Variants in PCDHAC2 observed in about 807,000 individuals in gnomAD.
The protein encoded by PCDHAC2 is protocadherin alpha subfamily C, 2.
A neutral mutation model predicts 63.3 loss-of-function variants in PCDHAC2; 24 were observed. The observed-to-expected ratio is 0.38, with a 90% CI of 0.27 to 0.53. The LOEUF is 0.53. Ranked by LOEUF, PCDHAC2 falls within the 20% of genes least tolerant of loss-of-function variation. The pLI is 0.81. For missense variants in PCDHAC2, 1,181 were observed against 1,275.2 expected, an observed-to-expected ratio of 0.93 and a Z score of 1.12; for synonymous variants, 569 against 529.4, an observed-to-expected ratio of 1.07 and a Z score of -1.03.
intron 3 of PCDHAC2, among the ~76,000 whole-genome samples, chr5:141,000,248 C>T (rs1027764843): frequency 2.6e-5 from 4 of 151,280 alleles, no homozygotes; most frequent in Non-Finnish European, 4.4e-5. Context: ...GTGGCTGACA[C>T]CTGTGATCCT....
intron 3 of PCDHAC2, among the ~76,000 whole-genome samples, chr5:140,994,698 C>G (rs1238723224): frequency 6.6e-6 from 1 of 151,898 alleles, no homozygotes; most frequent in Non-Finnish European, 1.5e-5. Context: ...GAATGAGACC[C>G]TGTCTCAAAA....
At chr5:140,974,083 T>C (rs1345131685) in intron 1 of PCDHAC2, among the ~76,000 whole-genome samples, 1 of 152,236 alleles carries the variant, frequency 6.6e-6, no homozygotes, top group Non-Finnish European at 1.5e-5. Flanking sequence ...AACCATGACT[T>C]CAAAAATCAA....
rs193096250 is a variant in PCDHAC2 at position 140,998,611 on chromosome 5, C to A, written c.2714-11016C>A. Among the ~76,000 whole-genome samples, 28 of 151,482 alleles carry A rather than the reference C, an allele frequency of 1.8e-4. No individual in the cohort carries two copies. The East Asian group carries it at 5.2e-3, about 28-fold the overall frequency. ...CAGAGTTTTGCTCTTGTTGCCCAGG[C>A]TGGAGTGCAATGGCACAATCTCAGC... On this transcript the variant is annotated intron_variant, in intron 3 of 3. Transcript: ENST00000289269.
Position 141,010,533 on chromosome 5 carries a change from C to T in PCDHAC2, c.*596C>T, listed in dbSNP as rs1466502614. 4 of 390,018 alleles carry T rather than the reference C, an allele frequency of 1.0e-5. No homozygotes were observed. Among genetic ancestry groups the T allele is most frequent in the African/African-American group, 8.2e-5 (4 of 49,000 alleles). 24.2% of individuals were successfully genotyped at this position (390,018 alleles called of 1,614,324 possible). ...TACAACTCAAGAGGTGGCAGCCACCCTCTAGGAGACAAAACTACCCCCACT... is the reference window on the plus strand; with the variant it reads ...TACAACTCAAGAGGTGGCAGCCACCTTCTAGGAGACAAAACTACCCCCACT... On this transcript the variant is annotated 3_prime_UTR_variant, in exon 4 of 4. Transcript: ENST00000289269.
chr5:140,972,398 A>G (rs2096535021), intron 1 of PCDHAC2, among the ~76,000 whole-genome samples: 1 of 151,358 alleles, frequency 6.6e-6, no homozygotes, highest in Non-Finnish European at 1.5e-5. Flanking sequence ...TTGCTTCACT[A>G]TTGGCAAACC....
rs1026092245 is a variant in PCDHAC2 at position 140,987,228 on chromosome 5, T to A, written c.2713+4665T>A. On this transcript the variant is annotated intron_variant, in intron 3 of 3. Transcript: ENST00000289269. The stretch of plus-strand genomic sequence containing the variant: ...GACTCCATCTCAAAAAAAAAAAAAA[T>A]AATAAATAAAGAAAGAAAGACATTC... Among the ~76,000 whole-genome samples, 392 of 149,148 alleles carry A rather than the reference T, an allele frequency of 2.6e-3. 1 individual carries two copies. Among genetic ancestry groups the A allele is most frequent in the African/African-American group, 8.3e-3 (336 of 40,458 alleles).
At chr5:140,997,044 T>C (rs2097756836) in intron 3 of PCDHAC2, among the ~76,000 whole-genome samples, 1 of 152,180 alleles carries the variant, frequency 6.6e-6, no homozygotes, top group South Asian at 2.1e-4. Flanking sequence ...TGAACTTTAC[T>C]TTTTAGAGCA....
chr5:140,984,945 C>CT (rs113297104), intron 3 of PCDHAC2, among the ~76,000 whole-genome samples: 99 of 149,274 alleles, frequency 6.6e-4, no homozygotes, highest in Non-Finnish European at 1.1e-3. Context: ...AATGTCTAAT[C>CT]TTTTTTTTTT....
At chr5:141,009,511 G>C in intron 3 of PCDHAC2, 116 bp from the exon 4 acceptor site, 2 of 1,498,174 alleles carry the variant, frequency 1.3e-6, no homozygotes, top group Non-Finnish European at 1.8e-6. Context: ...CAAACAACTC[G>C]TGATTTTTCT....
chr5:140,980,933 C>G (rs1376814777), intron 2 of PCDHAC2, among the ~76,000 whole-genome samples: 1 of 152,120 alleles, frequency 6.6e-6, no homozygotes, highest in African/African-American at 2.4e-5. Flanking sequence ...CTGCTTTGAG[C>G]TGAGCTGGCT....
In PCDHAC2 at chr5:140,968,743, C is replaced by G. The variant is rs112674082; in HGVS notation, c.1977C>G (p.Thr659=). Reference sequence around the variant, plus strand: ...AGAGTGGTAGCACTTTCAACCTGACCGTGGTGGTCCGAGATAATGGAGAGC... The same window carrying G: ...AGAGTGGTAGCACTTTCAACCTGACGGTGGTGGTCCGAGATAATGGAGAGC... ...GDESGSTFNL[T]VVVRDNGEPS... The change falls in exon 1 of 4, where the codon ACC becomes ACG. Residue 659 remains threonine (T), a synonymous_variant. Transcript: ENST00000289269. 10 of 1,614,060 alleles carry G rather than the reference C, an allele frequency of 6.2e-6. No homozygotes were observed. The South Asian group carries it at 9.9e-5, about 16-fold the overall frequency.
intron 3 of PCDHAC2, among the ~76,000 whole-genome samples, chr5:140,984,830 T>C (rs2097123075): frequency 6.6e-6 from 1 of 152,220 alleles, no homozygotes; most frequent in South Asian, 2.1e-4. Context: ...TTACCCTTTC[T>C]GTAAATTGGG....
At chr5:140,976,403 TA>T (rs1469780321) in intron 1 of PCDHAC2, among the ~76,000 whole-genome samples, 1 of 151,936 alleles carries the variant, frequency 6.6e-6, no homozygotes, top group Non-Finnish European at 1.5e-5. Flanking sequence ...ATTCAAAAAT[TA>T]GCCAGGTACG....
chr5:140,974,350 C>A (rs555781549), intron 1 of PCDHAC2, among the ~76,000 whole-genome samples: 1 of 152,186 alleles, frequency 6.6e-6, no homozygotes, highest in African/African-American at 2.4e-5. Context: ...GCATCCAGAA[C>A]TAAACAGACC....
chr5:140,966,811 G>T lies in PCDHAC2; in HGVS notation c.45G>T (p.Arg15=), dbSNP rs377370256. ...GACCTGCGGCGACAGAGCATCCACG[G>T]CTCCGGCGGCCCATGCCCTGGCTGC... ...GTRPAATEHP[R]LRRPMPWLLL... Residue 15 remains arginine, a synonymous_variant, in exon 1 of 4, where the codon CGG becomes CGT. Transcript: ENST00000289269. 3.9e-6 allele frequency: 6 copies of T among 1,549,722 alleles called. No homozygotes were observed. The highest frequency in any genetic ancestry group is 1.4e-5 in the African/African-American group (1 of 73,462).
At chr5:141,008,426 C>T (rs2098375902) in intron 3 of PCDHAC2, among the ~76,000 whole-genome samples, 1 of 152,170 alleles carries the variant, frequency 6.6e-6, no homozygotes, top group Non-Finnish European at 1.5e-5. Flanking sequence ...ACTGGGATCA[C>T]TTTGCCCAGA....
chr5:140,993,408 A>G (rs985721464), intron 3 of PCDHAC2, among the ~76,000 whole-genome samples: 1 of 150,930 alleles, frequency 6.6e-6, no homozygotes, highest in African/African-American at 2.4e-5. Flanking sequence ...AACCACCTTC[A>G]TCAGCATTTC....
rs555714516 is a variant in PCDHAC2, at chr5:140,983,025, A to T, written c.2713+462A>T. Among the ~76,000 whole-genome samples the T allele has an allele frequency of 9.9e-5, 15 of 151,964 alleles. 1 individual carries two copies. The South Asian group carries it at 2.9e-3, about 29-fold the overall frequency. ...AAGAAAAAGGAAGGAAGGAAGGAAG[A>T]TGGTTTCTCATGGAAGTGGAAAATT... On this transcript the variant is annotated intron_variant, in intron 3 of 3. Coordinates refer to ENST00000289269, the MANE Select transcript of PCDHAC2 (RefSeq NM_018899.6).
chr5:140,993,853 A>G (rs1423193144), intron 3 of PCDHAC2, among the ~76,000 whole-genome samples: 5 of 152,198 alleles, frequency 3.3e-5, no homozygotes, highest in African/African-American at 7.2e-5. Context: ...GTAGTAGGCT[A>G]TGCCATCTAG....
Sources: allele counts gnomAD v4.1 joint callset (sites outside exome capture counted in the v4.1 genomes callset), GRCh38; gene constraint gnomAD v4.1.1; transcripts MANE v1.5; gene names NCBI Gene and HGNC (gene_info 2026-07-23, HGNC 2026-07-21).